Variants in CYP4F11 observed in about 807,000 individuals in gnomAD.
The protein encoded by CYP4F11 is cytochrome P450 4F11.
Under a neutral mutation model 62.2 loss-of-function variants are expected in CYP4F11, and 79 were observed. The observed-to-expected ratio is 1.27, with a 90% CI of 1.06 to 1.53. CYP4F11 has a LOEUF of 1.53. Among genes scored for constraint, CYP4F11 ranks in the 40% most tolerant of loss-of-function variants. The probability of loss-of-function intolerance (pLI) is 0.00; values close to 1 mark genes in which losing one functional copy is unlikely to be tolerated. For missense variants in CYP4F11, 777 were observed against 680.5 expected (o/e 1.14, Z -1.58); for synonymous variants, 290 against 263.7 (o/e 1.10, Z -0.97).
intron 8 of CYP4F11, among the ~76,000 whole-genome samples, chr19:15,916,105 TA>T (rs1235110940): frequency 6.6e-6 from 1 of 152,272 alleles, no homozygotes; most frequent in East Asian, 1.9e-4. Context: ...TAAGCTCTAT[TA>T]AAAGCTTAAA....
At position 15,914,829 on chromosome 19, in the gene CYP4F11, TG is replaced by T; in HGVS notation, c.1181del (p.Pro394GlnfsTer85). The T allele has an allele frequency of 6.2e-7, 1 of 1,614,076 alleles. No homozygotes were observed. The highest frequency in any genetic ancestry group is 8.5e-7 in the Non-Finnish European group (1 of 1,180,004). Reference protein sequence around the residue: ...CIKESLRLHPPVPVISRCCTQ... With the variant: ...CIKESLRLHPXVPVISRCCTQ... ...TGCAACATCGGGAGATGACCGGGAC[TG>T]GGGGATGCAACCGCAGGCTCTCCTT... is the stretch of plus-strand genomic sequence containing the variant. On this transcript the variant is annotated frameshift_variant, in exon 9 of 12. Coordinates refer to ENST00000402119, the MANE Select transcript of CYP4F11 (RefSeq NM_021187.4). LOFTEE classifies it high-confidence loss of function.
chr19:15,924,734 G>T lies in CYP4F11; in HGVS notation c.647+27C>A, dbSNP rs772267060. 4 of 1,602,204 alleles carry T rather than the reference G, an allele frequency of 2.5e-6. No individual in the cohort carries two copies. The South Asian group carries it at 3.3e-5, about 13-fold the overall frequency. The stretch of plus-strand genomic sequence containing the variant: ...CTACTCCCTTGGGTTCCAGGCCCAA[G>T]TTCTCAGGTCCTAGGAAAGGACTCA... On this transcript the variant is annotated intron_variant, in intron 5 of 11. Coordinates refer to ENST00000402119, the MANE Select transcript of CYP4F11 (RefSeq NM_021187.4).
chr19:15,919,058 G>A (rs1357948562), intron 8 of CYP4F11, among the ~76,000 whole-genome samples: 1 of 149,584 alleles, frequency 6.7e-6, no homozygotes, highest in African/African-American at 2.5e-5. Context: ...ATATTTCTAT[G>A]TATATGGAAA....
intron 4 of CYP4F11, among the ~76,000 whole-genome samples, chr19:15,925,729 TACAC>T (rs61395286): frequency 1.1e-3 from 156 of 142,928 alleles, no homozygotes; most frequent in African/African-American, 3.7e-3. Context: ...TACATATATG[TACAC>T]ACACACACAC....
chr19:15,930,900 A>G (rs1461680277), intron 1 of CYP4F11, among the ~76,000 whole-genome samples: 1 of 152,194 alleles, frequency 6.6e-6, no homozygotes, highest in East Asian at 1.9e-4. Flanking sequence ...AACTGTCTAC[A>G]GTAAGCACCT....
chr19:15,934,238 C>G lies in CYP4F11; in HGVS notation c.171G>C (p.Gln57His), dbSNP rs140733161. 1 of 1,613,628 alleles carries G rather than the reference C, an allele frequency of 6.2e-7. No individual in the cohort carries two copies. Among genetic ancestry groups the G allele is most frequent in the Non-Finnish European group, 8.5e-7 (1 of 1,179,772 alleles). ...GGCCCTGGTGTCCCCAAAACCAGTT[C>G]TGTTTCGGGGGTTGAGGAAAACACT... The part of the protein sequence containing the change: ...RLQCFPQPPK[Q>H]NWFWGHQGLV... The change falls in exon 1 of 12, where the codon CAG becomes CAC. Residue 57 changes from glutamine to histidine, a missense_variant. Coordinates refer to ENST00000402119, the MANE Select transcript of CYP4F11 (RefSeq NM_021187.4).
At chr19:15,926,419 A>G (rs928667612) in intron 4 of CYP4F11, among the ~76,000 whole-genome samples, 2 of 152,204 alleles carry the variant, frequency 1.3e-5, no homozygotes, top group Non-Finnish European at 2.9e-5. Flanking sequence ...TCAGCTTGCA[A>G]TTAAGAAAAA....
chr19:15,919,284 ACTCCTATTT>A, intron 8 of CYP4F11, among the ~76,000 whole-genome samples: 1 of 148,466 alleles, frequency 6.7e-6, no homozygotes, highest in Middle Eastern at 3.6e-3. Flanking sequence ...TATTTCATTG[ACTCCTATTT>A]ATATAAATAA....
intron 4 of CYP4F11, among the ~76,000 whole-genome samples, 193 bp from the exon 5 acceptor site, chr19:15,925,075 G>A (rs2089658687): frequency 1.3e-5 from 2 of 152,182 alleles, no homozygotes; most frequent in Admixed American, 6.5e-5. Flanking sequence ...ATGGCTGGGA[G>A]TCGAGAGATC....
At chr19:15,930,804 CCTGGCTGGT>C (rs1355535745) in intron 1 of CYP4F11, among the ~76,000 whole-genome samples, 5 of 152,096 alleles carry the variant, frequency 3.3e-5, no homozygotes, top group African/African-American at 4.8e-5. Flanking sequence ...CCTTTCACGT[CCTGGCTGGT>C]CCCCACCAGC....
chr19:15,928,677 G>A (rs1222194945), intron 2 of CYP4F11, among the ~76,000 whole-genome samples: 3 of 152,176 alleles, frequency 2.0e-5, no homozygotes, highest in Non-Finnish European at 2.9e-5. Flanking sequence ...TGAGGTTATA[G>A]CCATAGTTTC....
chr19:15,915,083 G>T (rs1224646078), intron 8 of CYP4F11, among the ~76,000 whole-genome samples, 188 bp from the exon 9 acceptor site: 4 of 152,110 alleles, frequency 2.6e-5, no homozygotes, highest in Non-Finnish European at 5.9e-5. Flanking sequence ...AGAAAAAAAT[G>T]GTGCCGATTT....
At position 15,934,270 on chromosome 19, in the gene CYP4F11, G is replaced by C. The variant is rs369299520; in HGVS notation, c.139C>G (p.Arg47Gly). The change falls in exon 1 of 12, where the codon CGC becomes GGC. Residue 47 changes from arginine (R) to glycine (G), a missense_variant. Arg to Gly is a moderately radical substitution (Grantham distance 125, BLOSUM62 -2). Coordinates refer to ENST00000402119, the MANE Select transcript of CYP4F11 (RefSeq NM_021187.4). ...WTYTFYDNCR[R>G]LQCFPQPPKQ... Reference sequence around the variant, plus strand: ...GGGGGTTGAGGAAAACACTGGAGGCGGCGGCAGTTGTCATAGAAGGTGTAG... The same window carrying C: ...GGGGGTTGAGGAAAACACTGGAGGCCGCGGCAGTTGTCATAGAAGGTGTAG... The C allele has an allele frequency of 5.2e-5, 84 of 1,613,716 alleles. No homozygotes were observed. Among genetic ancestry groups the C allele is most frequent in the Non-Finnish European group, 6.8e-5 (80 of 1,179,828 alleles).
chr19:15,913,958 G>A lies in CYP4F11; in HGVS notation c.1398-49C>T, dbSNP rs199627717. 32 of 1,571,020 alleles carry A rather than the reference G, an allele frequency of 2.0e-5. No homozygotes were observed. The East Asian group carries it at 4.1e-4, about 20-fold the overall frequency. The stretch of plus-strand genomic sequence containing the variant: ...TGACTGTGCCCATGACCCCCATCCC[G>A]GCCCCATCATGCTTAGAACCTGGCC... On this transcript the variant is annotated intron_variant, in intron 11 of 11. Coordinates refer to ENST00000402119, the MANE Select transcript of CYP4F11 (RefSeq NM_021187.4).
chr19:15,914,408 G>T, intron 10 of CYP4F11, 21 bp from the exon 11 acceptor site: 2 of 1,610,276 alleles, frequency 1.2e-6, no homozygotes, highest in Non-Finnish European at 1.7e-6. Context: ...GACCAAGAAG[G>T]CTTGCTGGGT....
chr19:15,913,963 CA>C, intron 11 of CYP4F11, 54 bp from the exon 12 acceptor site: 2 of 1,567,918 alleles, frequency 1.3e-6, no homozygotes, highest in Non-Finnish European at 1.7e-6. Flanking sequence ...ATCCCGGCCC[CA>C]TCATGCTTAG....
Position 15,924,851 on chromosome 19 carries a change from C to T in CYP4F11, c.557G>A (p.Ser186Asn). ...GTGTTCAAACATGTCCAGTCTGGCG[C>T]TGCCCTCTGAGGCCAGGCGCTGCCA... ...DKWQRLASEGSARLDMFEHIS... is the reference protein window; with the variant it reads ...DKWQRLASEGNARLDMFEHIS... Residue 186 changes from serine to asparagine, a missense_variant, in exon 5 of 12, where the codon AGC becomes AAC. By Grantham distance (46) the Ser-to-Asn change is conservative. Transcript: ENST00000402119. 3 of 1,612,730 alleles carry T rather than the reference C, an allele frequency of 1.9e-6. No individual in the cohort carries two copies. Among genetic ancestry groups the T allele is most frequent in the Non-Finnish European group, 2.5e-6 (3 of 1,179,170 alleles).
chr19:15,914,464 C>G, intron 10 of CYP4F11, 77 bp from the exon 11 acceptor site: 2 of 1,554,716 alleles, frequency 1.3e-6, no homozygotes, highest in Non-Finnish European at 1.8e-6. Context: ...TCCAAGACCC[C>G]CGGCCTTGGA....
intron 11 of CYP4F11, 120 bp from the exon 12 acceptor site, chr19:15,914,029 G>T: frequency 7.7e-7 from 1 of 1,296,056 alleles, no homozygotes; most frequent in Non-Finnish European, 1.1e-6. Context: ...CAGAAAGAGG[G>T]GATAAGTGTC....
Sources: gnomAD v4.1 joint callset for allele counts (sites outside exome capture counted in the v4.1 genomes callset) on GRCh38, gnomAD v4.1.1 for gene constraint, MANE v1.5 for transcripts, NCBI Gene and HGNC (gene_info 2026-07-23, HGNC 2026-07-21) for gene names.